Variants in KLHL4 observed in about 807,000 individuals in gnomAD.
The protein encoded by KLHL4 is kelch-like protein 4.
KLHL4 carries 17 observed loss-of-function variants against 45.8 expected under a neutral mutation model. The observed-to-expected ratio is 0.37, with a 90% confidence interval of 0.25 to 0.56. The LOEUF is 0.56. Ranked by LOEUF, KLHL4 falls within the 20% of genes least tolerant of loss-of-function variation. The pLI, the probability that KLHL4 is intolerant of heterozygous loss-of-function variation, is 0.79. For synonymous variants in KLHL4, 224 were observed against 189.9 expected (o/e 1.18, Z -1.47); for missense variants, 544 against 544.9 (o/e 1.00, Z 0.02).
intron 9 of KLHL4, among the ~76,000 whole-genome samples, chrX:87,644,172 C>A (rs1317839434): frequency 9.0e-6 from 1 of 111,391 alleles, no homozygotes; most frequent in African/African-American, 3.3e-5. Flanking sequence ...CTCAAGAAAG[C>A]TCCTAGAACT....
At chrX:87,532,494 G>T (rs1480254430) in intron 1 of KLHL4, among the ~76,000 whole-genome samples, 1 of 106,549 alleles carries the variant, frequency 9.4e-6, no homozygotes, top group Admixed American at 1.0e-4. Context: ...GCTTGATGGG[G>T]ATGGCATTGA....
intron 9 of KLHL4, among the ~76,000 whole-genome samples, chrX:87,657,913 T>C (rs745956885): frequency 1.3e-4 from 14 of 111,592 alleles, no homozygotes; most frequent in African/African-American, 2.3e-4. Flanking sequence ...TCTCAGGCCA[T>C]TGGGGCAATA....
intron 1 of KLHL4, among the ~76,000 whole-genome samples, chrX:87,567,160 G>C (rs1477985305): frequency 9.0e-6 from 1 of 111,042 alleles, no homozygotes; most frequent in African/African-American, 3.3e-5. Flanking sequence ...CCTGGCAAAG[G>C]ATATTTATGA....
intron 9 of KLHL4, among the ~76,000 whole-genome samples, chrX:87,661,141 A>T (rs1924174181): frequency 8.9e-6 from 1 of 112,113 alleles, no homozygotes; most frequent in African/African-American, 3.2e-5. Flanking sequence ...ATTCTGTCTT[A>T]TAATGGCAAT....
Position 87,573,518 on chromosome X carries a change from T to C in KLHL4, c.423-40359T>C, listed in dbSNP as rs1337665906. Reference sequence around the variant, plus strand: ...AAGGTGATATGAGATAGAGAATGAATAGATGGATGGGAATTTAGTTGATGG... The same window carrying C: ...AAGGTGATATGAGATAGAGAATGAACAGATGGATGGGAATTTAGTTGATGG... On this transcript the variant is annotated intron_variant, in intron 1 of 10. Coordinates refer to ENST00000373119, the MANE Select transcript of KLHL4 (RefSeq NM_019117.5). Among the ~76,000 whole-genome samples, 3 of 110,985 alleles carry C rather than the reference T, an allele frequency of 2.7e-5. 1 individual carries two copies. The Admixed American group carries it at 2.9e-4, about 11-fold the overall frequency.
chrX:87,651,152 G>T (rs1345698277), intron 9 of KLHL4, among the ~76,000 whole-genome samples: 1 of 111,681 alleles, frequency 9.0e-6, no homozygotes, highest in Non-Finnish European at 1.9e-5. Flanking sequence ...AATGGCTTTT[G>T]CAAACAATAT....
chrX:87,560,952 A>C (rs775059064), intron 1 of KLHL4, among the ~76,000 whole-genome samples: 2 of 111,695 alleles, frequency 1.8e-5, no homozygotes, highest in South Asian at 7.5e-4. Context: ...ATCCACATGC[A>C]GAAGAATGAA....
intron 9 of KLHL4, among the ~76,000 whole-genome samples, chrX:87,638,274 G>C (rs1464730445): frequency 8.9e-6 from 1 of 111,947 alleles, no homozygotes; most frequent in East Asian, 2.8e-4. Context: ...CATATTTGAG[G>C]GGATAATCAA....
chrX:87,576,448 T>C (rs1921104314), intron 1 of KLHL4, among the ~76,000 whole-genome samples: 1 of 111,583 alleles, frequency 9.0e-6, no homozygotes, highest in Admixed American at 9.6e-5. Flanking sequence ...ATATCCTAGT[T>C]ACACCTTGTA....
At chrX:87,623,288 CTTTTTTTT>C (rs67869297) in intron 5 of KLHL4, among the ~76,000 whole-genome samples, 9 of 50,207 alleles carry the variant, frequency 1.8e-4, no homozygotes, top group African/African-American at 6.9e-4. Flanking sequence ...TTCCTTTTTT[CTTTTTTTT>C]TTTTTTTTTT....
rs190253470 is a variant in KLHL4 at position 87,522,433 on chromosome X, A to C, written c.422+4118A>C. 2.9e-3 allele frequency among the ~76,000 whole-genome samples: 328 copies of C among 112,243 alleles called. 1 individual carries two copies. The highest frequency in any genetic ancestry group is 4.7e-3 in the Non-Finnish European group (252 of 53,289). Reference sequence around the variant, plus strand: ...TTACATATATTTTCTCCTGCCCCCAAGGAAAATCTTTGAATGTGAAGCTGA... The same window carrying C: ...TTACATATATTTTCTCCTGCCCCCACGGAAAATCTTTGAATGTGAAGCTGA... On this transcript the variant is annotated intron_variant, in intron 1 of 10. Transcript: ENST00000373119.
intron 1 of KLHL4, among the ~76,000 whole-genome samples, chrX:87,588,171 T>A (rs543267692): frequency 1.8e-5 from 2 of 111,395 alleles, no homozygotes; most frequent in East Asian, 5.7e-4. Flanking sequence ...TCCCACAAAT[T>A]CCATGTTCAT....
At chrX:87,540,451 T>G (rs372863896) in intron 1 of KLHL4, among the ~76,000 whole-genome samples, 2 of 111,876 alleles carry the variant, frequency 1.8e-5, no homozygotes, top group East Asian at 5.6e-4. Context: ...CTTTATTCTA[T>G]AAGTATTTTT....
rs181894689 is a variant in KLHL4 at position 87,529,994 on chromosome X, G to A, written c.422+11679G>A. On this transcript the variant is annotated intron_variant, in intron 1 of 10. Coordinates refer to ENST00000373119, the MANE Select transcript of KLHL4 (RefSeq NM_019117.5). ...AAAGAATTATAGTAGCCAGCATAGT[G>A]TGATAAAAATTCATCTCCTGGATAT... Among the ~76,000 whole-genome samples the A allele has an allele frequency of 8.3e-4, 93 of 111,660 alleles. No individual in the cohort carries two copies. The Middle Eastern group carries it at 0.018, about 22-fold the overall frequency.
intron 1 of KLHL4, among the ~76,000 whole-genome samples, chrX:87,543,920 C>T (rs1325850655): frequency 1.8e-5 from 2 of 111,356 alleles, no homozygotes; most frequent in African/African-American, 6.5e-5. Context: ...CAGTGATACT[C>T]GGGTACTACC....
chrX:87,518,473 A>G (rs1930935640), intron 1 of KLHL4, among the ~76,000 whole-genome samples, 158 bp downstream of exon 1: 1 of 111,995 alleles, frequency 8.9e-6, no homozygotes, highest in Non-Finnish European at 1.9e-5. Flanking sequence ...AAGTTTATAA[A>G]AGAAAACAGC....
In KLHL4 at chrX:87,518,110, A is replaced by G. The variant is rs770961763; in HGVS notation, c.217A>G (p.Ile73Val). Residue 73 changes from isoleucine (I) to valine (V), a missense_variant, in exon 1 of 11, where the codon ATA becomes GTA. Coordinates refer to ENST00000373119, the MANE Select transcript of KLHL4 (RefSeq NM_019117.5). ...AAGCAACAGTCCTGTCCACCACAATATACTGGCACCAGTGCCAGGACCGGC... is the reference window on the plus strand; with the variant it reads ...AAGCAACAGTCCTGTCCACCACAATGTACTGGCACCAGTGCCAGGACCGGC... ...KKSNSPVHHN[I>V]LAPVPGPAPA... 1 of 1,211,660 alleles carries G rather than the reference A, an allele frequency of 8.3e-7. No individual in the cohort carries two copies. Among genetic ancestry groups the G allele is most frequent in the Non-Finnish European group, 1.1e-6 (1 of 895,360 alleles).
chrX:87,598,208 T>C (rs183732377), intron 1 of KLHL4, among the ~76,000 whole-genome samples: 277 of 111,183 alleles, frequency 2.5e-3, no homozygotes, highest in Non-Finnish European at 3.7e-3. Context: ...ACTAGGGTTA[T>C]ATTTTGGTAT....
At chrX:87,636,647 G>C (rs1923273486) in intron 9 of KLHL4, among the ~76,000 whole-genome samples, 1 of 110,822 alleles carries the variant, frequency 9.0e-6, no homozygotes, top group South Asian at 4.0e-4. Flanking sequence ...GTGGGAGTGA[G>C]ACCAGCCTTT....
Sources: allele counts gnomAD v4.1 joint callset (sites outside exome capture counted in the v4.1 genomes callset), GRCh38; gene constraint gnomAD v4.1.1; transcripts MANE v1.5; gene names NCBI Gene and HGNC (gene_info 2026-07-23, HGNC 2026-07-21).